Variants in LAMA3 observed in about 807,000 individuals in gnomAD.
LAMA3 encodes laminin subunit alpha 3, also known as laminin subunit alpha-3.
Under a neutral mutation model 402.0 loss-of-function variants are expected in LAMA3, and 281 were observed. The observed-to-expected ratio is 0.70, with a 90% CI of 0.63 to 0.77. The LOEUF (loss-of-function observed/expected upper bound fraction) is 0.77. Ranked by LOEUF, LAMA3 falls within the 30% of genes least tolerant of loss-of-function variation. LAMA3 has a pLI of 0.00. For synonymous variants in LAMA3, 1,431 were observed against 1,558.4 expected (o/e 0.92, Z 1.93); for missense variants, 3,840 against 4,215.5 (o/e 0.91, Z 2.47).
rs1450588846 is a variant in LAMA3 at position 23,909,271 on chromosome 18, G to T, written c.7134G>T (p.Gln2378His). The change falls in exon 55 of 75, where the codon CAG becomes CAT. Residue 2378 changes from glutamine to histidine, a missense_variant. Around this residue, in one of 3 missense-constraint regions of LAMA3, gnomAD observed 891 missense variants for 857.5 expected, o/e 1.04. Transcript: ENST00000313654. ...TGGACAGAATACGAGAACTAATTCA[G>T]CAGGCCAGAGATGCTGCCAGTAAGG... is the stretch of plus-strand genomic sequence containing the variant. ...DNMDRIRELI[Q>H]QARDAASKVA... 1 of 1,612,866 alleles carries T rather than the reference G, an allele frequency of 6.2e-7. No individual in the cohort carries two copies. The highest frequency in any genetic ancestry group is 2.2e-5 in the East Asian group (1 of 44,884).
At chr18:23,782,629 A>C (rs1361754861) in intron 11 of LAMA3, among the ~76,000 whole-genome samples, 1 of 152,178 alleles carries the variant, frequency 6.6e-6, no homozygotes, top group Non-Finnish European at 1.5e-5. Context: ...TATATATGCT[A>C]ATCCAGGACA....
chr18:23,849,921 A>T (rs969109365), intron 32 of LAMA3, among the ~76,000 whole-genome samples: 2 of 152,220 alleles, frequency 1.3e-5, no homozygotes, highest in Non-Finnish European at 2.9e-5. Context: ...CAGAAAATGT[A>T]AGAAAATTTA....
At position 23,931,196 on chromosome 18, in the gene LAMA3, C is replaced by T; in HGVS notation, c.8571C>T (p.Asn2857=). ...LLHYVSVISD[N]SGLRLLIDDQ... ...ATTATGTATCTGTAATAAGCGACAA[C>T]TCTGGGTGAGTGGAATAATACTTCT... is the stretch of plus-strand genomic sequence containing the variant. The change falls in exon 65 of 75, where the codon AAC becomes AAT. Residue 2857 remains asparagine, a synonymous_variant. Coordinates refer to ENST00000313654, the MANE Select transcript of LAMA3 (RefSeq NM_198129.4). The T allele has an allele frequency of 6.2e-7, 1 of 1,611,468 alleles. No homozygotes were observed. The highest frequency in any genetic ancestry group is 8.5e-7 in the Non-Finnish European group (1 of 1,177,522).
At chr18:23,768,380 A>T (rs2062124432) in intron 8 of LAMA3, among the ~76,000 whole-genome samples, 1 of 152,250 alleles carries the variant, frequency 6.6e-6, no homozygotes, top group Non-Finnish European at 1.5e-5. Context: ...CAACAAACGT[A>T]TGAAAAAATG....
intron 35 of LAMA3, among the ~76,000 whole-genome samples, chr18:23,862,011 A>G (rs1431396086): frequency 6.6e-6 from 1 of 152,226 alleles, no homozygotes; most frequent in African/African-American, 2.4e-5. Flanking sequence ...CACCATTGCC[A>G]TGCATGAGCT....
chr18:23,874,915 G>T (rs186394018), intron 38 of LAMA3, among the ~76,000 whole-genome samples: 61 of 152,316 alleles, frequency 4.0e-4, no homozygotes, highest in African/African-American at 1.3e-3. Context: ...CCAGGCTGGA[G>T]TGTGGTGGCG....
At chr18:23,883,385 CTG>C (rs1306197737) in intron 40 of LAMA3, among the ~76,000 whole-genome samples, 1 of 152,182 alleles carries the variant, frequency 6.6e-6, no homozygotes, top group Non-Finnish European at 1.5e-5. Context: ...AAAGGGTTCA[CTG>C]TGGGCCCAAG....
intron 1 of LAMA3, among the ~76,000 whole-genome samples, chr18:23,690,834 T>C (rs1293306243): frequency 6.6e-6 from 1 of 150,818 alleles, no homozygotes; most frequent in Non-Finnish European, 1.5e-5. Flanking sequence ...TGAAATGCAA[T>C]GGTGCGATCT....
intron 23 of LAMA3, among the ~76,000 whole-genome samples, chr18:23,833,604 T>C (rs1262905522): frequency 1.3e-5 from 2 of 152,214 alleles, no homozygotes; most frequent in African/African-American, 4.8e-5. Context: ...ATTGTCCAAA[T>C]AAACAATAAA....
At chr18:23,929,703 G>C (rs1189659718) in intron 64 of LAMA3, among the ~76,000 whole-genome samples, 5 of 152,166 alleles carry the variant, frequency 3.3e-5, no homozygotes, top group Non-Finnish European at 7.4e-5. Flanking sequence ...ACCAGTCCTT[G>C]AGGTTTTATT....
At chr18:23,892,488 C>G (rs4800521) in intron 42 of LAMA3, among the ~76,000 whole-genome samples, 13,294 of 152,060 alleles carry the variant, frequency 0.087, 1,111 homozygotes, top group African/African-American at 0.19. Flanking sequence ...CCAGAGAAGC[C>G]TAGTCCCCCA....
At chr18:23,733,969 C>A (rs1346692111) in intron 2 of LAMA3, among the ~76,000 whole-genome samples, 2 of 152,224 alleles carry the variant, frequency 1.3e-5, no homozygotes, top group Non-Finnish European at 2.9e-5. Flanking sequence ...TTTCTGGTTG[C>A]TTCTAATGTA....
At chr18:23,903,540 A>G (rs139302324) in intron 49 of LAMA3, among the ~76,000 whole-genome samples, 1,580 of 152,316 alleles carry the variant, frequency 0.01, 14 homozygotes, top group South Asian at 0.066. Context: ...GTTTTAGGGT[A>G]CATGTGCATA....
chr18:23,836,379 A>G (rs1568236314), intron 24 of LAMA3, among the ~76,000 whole-genome samples: 2 of 152,246 alleles, frequency 1.3e-5, no homozygotes, highest in Admixed American at 6.5e-5. Flanking sequence ...ACATTACTCA[A>G]AAAGTACCTC....
intron 11 of LAMA3, among the ~76,000 whole-genome samples, chr18:23,783,522 C>T (rs2062477867): frequency 6.6e-6 from 1 of 152,082 alleles, no homozygotes; most frequent in Non-Finnish European, 1.5e-5. Context: ...GTGGGAAAGC[C>T]CTGGATAGAG....
intron 1 of LAMA3, among the ~76,000 whole-genome samples, chr18:23,694,937 A>G (rs1408579630): frequency 6.6e-6 from 1 of 152,218 alleles, no homozygotes; most frequent in African/African-American, 2.4e-5. Context: ...CACCCCATCA[A>G]TGCTTTTTGA....
In LAMA3 at chr18:23,901,314, A is replaced by C. The variant is rs1225305007; in HGVS notation, c.6192A>C (p.Gly2064=). 6 of 1,613,910 alleles carry C rather than the reference A, an allele frequency of 3.7e-6. No individual in the cohort carries two copies. Among genetic ancestry groups the C allele is most frequent in the Non-Finnish European group, 5.1e-6 (6 of 1,179,910 alleles). Residue 2064 remains glycine, a synonymous_variant, in exon 48 of 75, where the codon GGA becomes GGC. Coordinates refer to ENST00000313654, the MANE Select transcript of LAMA3 (RefSeq NM_198129.4). Reference sequence around the variant, plus strand: ...ACCAAGAAAACGAGAGAGCTTTGGGAGCCATTCAGGTGAGTTCACAGTTTG... The same window carrying C: ...ACCAAGAAAACGAGAGAGCTTTGGGCGCCATTCAGGTGAGTTCACAGTTTG... ...GLNQENERAL[G]AIQRQVKEIN...
intron 61 of LAMA3, among the ~76,000 whole-genome samples, 196 bp downstream of exon 61, chr18:23,921,250 C>T (rs568658719): frequency 7.2e-5 from 11 of 152,254 alleles, no homozygotes; most frequent in South Asian, 4.1e-4. Context: ...CTATAAAACA[C>T]GGTTAACTTC....
At chr18:23,772,044 C>CT (rs35056110) in intron 8 of LAMA3, among the ~76,000 whole-genome samples, 36,867 of 141,004 alleles carry the variant, frequency 0.26, 7,033 homozygotes, top group East Asian at 0.6. Context: ...TGATCGAAGT[C>CT]TTTTTTTTTT....
Sources: allele counts gnomAD v4.1 joint callset (sites outside exome capture counted in the v4.1 genomes callset), GRCh38; gene constraint gnomAD v4.1.1; regional missense constraint gnomAD v4.1.1; transcripts MANE v1.5; gene names NCBI Gene and HGNC (gene_info 2026-07-23, HGNC 2026-07-21).